FBXW10B: variants seen among roughly 807,000 people sequenced by gnomAD.
FBXW10B encodes F-box and WD repeat domain containing protein 10B.
At chr17:15,590,393 G>A in the FBXW10B span, among the ~76,000 whole-genome samples, 1 of 147,934 alleles carries the variant, frequency 6.8e-6, no homozygotes, top group Non-Finnish European at 1.5e-5. Flanking sequence ...TCCTCTGGCT[G>A]TTATTTTGAA....
chr17:15,615,662 C>G, the FBXW10B span: 1 of 1,613,674 alleles, frequency 6.2e-7, no homozygotes, highest in Non-Finnish European at 8.5e-7. Flanking sequence ...AGATGCTGCC[C>G]CAAGGAAGTG....
chr17:15,578,346 G>A, the FBXW10B span, among the ~76,000 whole-genome samples: 1 of 150,874 alleles, frequency 6.6e-6, no homozygotes, highest in Admixed American at 6.6e-5. Flanking sequence ...GTAGCTGCAC[G>A]TGCACGCAGC....
At chr17:15,613,284 C>T in the FBXW10B span, among the ~76,000 whole-genome samples, 1 of 149,844 alleles carries the variant, frequency 6.7e-6, no homozygotes. Flanking sequence ...GATGCAGAGA[C>T]ACATTTATGG....
the FBXW10B span, chr17:15,613,980 A>G: frequency 6.3e-7 from 1 of 1,585,804 alleles, no homozygotes; most frequent in East Asian, 2.3e-5. Context: ...GCTTTTCCAG[A>G]AAACAGCCTA....
At chr17:15,568,325 G>A in the FBXW10B span, among the ~76,000 whole-genome samples, 5 of 151,596 alleles carry the variant, frequency 3.3e-5, no homozygotes, top group Non-Finnish European at 7.4e-5. Context: ...TGTCTTGTGG[G>A]GTTCTGAGTC....
chr17:15,575,276 C>T, the FBXW10B span, among the ~76,000 whole-genome samples: 1 of 143,826 alleles, frequency 7.0e-6, no homozygotes, highest in Non-Finnish European at 1.5e-5. Context: ...TATGGTCTTC[C>T]GTGCTGTAAG....
chr17:15,616,233 G>C, the FBXW10B span, among the ~76,000 whole-genome samples: 1 of 151,946 alleles, frequency 6.6e-6, no homozygotes, highest in Non-Finnish European at 1.5e-5. Context: ...GGAGTGCAAT[G>C]GCTCGGTCTT....
At chr17:15,603,518 A>T in the FBXW10B span, among the ~76,000 whole-genome samples, 2 of 152,140 alleles carry the variant, frequency 1.3e-5, no homozygotes, top group Non-Finnish European at 2.9e-5. Context: ...AATAAAACAC[A>T]GTGGGTTTTA....
At chr17:15,580,297 T>C in the FBXW10B span, among the ~76,000 whole-genome samples, 41,694 of 151,970 alleles carry the variant, frequency 0.27, 6,420 homozygotes, top group African/African-American at 0.41. Context: ...TTATCACACC[T>C]TGTTCAACTC....
the FBXW10B span, chr17:15,566,321 A>G: frequency 2.7e-6 from 4 of 1,502,972 alleles, no homozygotes; most frequent in Non-Finnish European, 3.6e-6. Flanking sequence ...GGAGTTTCCA[A>G]TTGTCCTTGT....
chr17:15,611,194 T>C, the FBXW10B span, among the ~76,000 whole-genome samples: 2 of 151,960 alleles, frequency 1.3e-5, no homozygotes, highest in African/African-American at 4.8e-5. Context: ...GGCTAATTTT[T>C]TGTATTTTTA....
the FBXW10B span, among the ~76,000 whole-genome samples, chr17:15,598,277 C>T: frequency 5.3e-5 from 8 of 151,524 alleles, no homozygotes; most frequent in South Asian, 1.7e-3. Context: ...AGGGCCATAT[C>T]CTATTATTTT....
At chr17:15,613,501 A>G in the FBXW10B span, 3 of 817,786 alleles carry the variant, frequency 3.7e-6, no homozygotes, top group Non-Finnish European at 5.5e-6. Context: ...AAAGGCCACA[A>G]ATGTAGAGGA....
At chr17:15,582,843 G>A in the FBXW10B span, among the ~76,000 whole-genome samples, 1 of 151,862 alleles carries the variant, frequency 6.6e-6, no homozygotes, top group East Asian at 1.9e-4. Context: ...TGCTTCTAAT[G>A]TGCTCCACCA....
At chr17:15,596,490 C>A in the FBXW10B span, 23 of 1,546,864 alleles carry the variant, frequency 1.5e-5, no homozygotes, top group Non-Finnish European at 1.9e-5. Flanking sequence ...CCCTTTCCGC[C>A]AAGGTAGCCC....
chr17:15,617,045 C>G, the FBXW10B span, among the ~76,000 whole-genome samples: 6 of 152,048 alleles, frequency 3.9e-5, no homozygotes, highest in Admixed American at 1.3e-4. Flanking sequence ...GGTGGGTGAC[C>G]TAAGCAAAGT....
At chr17:15,604,144 T>A in the FBXW10B span, among the ~76,000 whole-genome samples, 2 of 148,368 alleles carry the variant, frequency 1.3e-5, no homozygotes, top group African/African-American at 5.0e-5. Context: ...AATAAATGAG[T>A]TATGATACAA....
At chr17:15,572,612 G>A in the FBXW10B span, 2 of 151,924 alleles carry the variant, frequency 1.3e-5, no homozygotes, top group Non-Finnish European at 2.9e-5. Flanking sequence ...ATGGTGCCAA[G>A]GAAAGAGACA....
the FBXW10B span, among the ~76,000 whole-genome samples, chr17:15,617,017 G>A: frequency 1.3e-5 from 2 of 151,894 alleles, no homozygotes; most frequent in African/African-American, 4.8e-5. Context: ...GGAGGGGATC[G>A]TGGTTTTCAG....
Sources: allele counts gnomAD v4.1 joint callset (sites outside exome capture counted in the v4.1 genomes callset), GRCh38; gene constraint gnomAD v4.1.1; transcripts MANE v1.5; gene names NCBI Gene and HGNC (gene_info 2026-07-23, HGNC 2026-07-21).